Variants in TM9SF3 observed in about 807,000 individuals in gnomAD.
TM9SF3 encodes transmembrane 9 superfamily member 3.
Under a neutral mutation model 78.6 loss-of-function variants are expected in TM9SF3, and 14 were observed. The ratio of observed to expected loss-of-function variants is 0.18; its 90% CI spans 0.12 to 0.28. The LOEUF is 0.28. TM9SF3 is among the 10% of genes least tolerant of loss of function. The pLI is 1.00. For missense variants in TM9SF3, 496 were observed against 721.9 expected (o/e 0.69, Z 3.59); for synonymous variants, 231 against 241.7 (o/e 0.96, Z 0.41).
At chr10:96,569,013 C>A (rs1848409798) in intron 2 of TM9SF3, among the ~76,000 whole-genome samples, 1 of 152,032 alleles carries the variant, frequency 6.6e-6, no homozygotes, top group Non-Finnish European at 1.5e-5. Context: ...CATGTCAAAA[C>A]CTCATCTTTA....
chr10:96,547,806 T>C, intron 8 of TM9SF3, 89 bp downstream of exon 8: 1 of 1,090,466 alleles, frequency 9.2e-7, no homozygotes, highest in East Asian at 2.4e-5. Flanking sequence ...GGTGATGGAG[T>C]GAGACTCTCT....
At chr10:96,565,461 G>T in intron 2 of TM9SF3, 35 bp from the exon 3 acceptor site, 2 of 1,502,392 alleles carry the variant, frequency 1.3e-6, no homozygotes, top group Non-Finnish European at 8.8e-7. Flanking sequence ...TAGCCCACTA[G>T]TTTGCAAAAT....
chr10:96,563,895 TC>T (rs1848339781), intron 3 of TM9SF3, among the ~76,000 whole-genome samples: 1 of 151,662 alleles, frequency 6.6e-6, no homozygotes, highest in Non-Finnish European at 1.5e-5. Context: ...CAAAAGTATT[TC>T]CCCAAACAGG....
chr10:96,582,223 T>A (rs1848578120), intron 1 of TM9SF3, among the ~76,000 whole-genome samples: 1 of 152,128 alleles, frequency 6.6e-6, no homozygotes, highest in Non-Finnish European at 1.5e-5. Flanking sequence ...AAGTACTGGG[T>A]TTTTGCTGCT....
chr10:96,586,700 G>A (rs1564943964), intron 1 of TM9SF3, 34 bp downstream of exon 1: 2 of 1,219,596 alleles, frequency 1.6e-6, no homozygotes, highest in East Asian at 3.3e-5. Flanking sequence ...TGGGGAGCTA[G>A]CCCGGGGCGG....
intron 5 of TM9SF3, among the ~76,000 whole-genome samples, chr10:96,556,525 AG>A (rs1180194933): frequency 6.6e-6 from 1 of 152,216 alleles, no homozygotes; most frequent in African/African-American, 2.4e-5. Context: ...ATACTTGTAC[AG>A]TACATCATAT....
chr10:96,547,238 CTT>C (rs571285020), intron 8 of TM9SF3, among the ~76,000 whole-genome samples: 3 of 152,186 alleles, frequency 2.0e-5, no homozygotes, highest in Non-Finnish European at 4.4e-5. Context: ...TGTCCAGAAA[CTT>C]TACCCACAGA....
intron 2 of TM9SF3, among the ~76,000 whole-genome samples, chr10:96,571,446 A>G (rs1848435584): frequency 6.6e-6 from 1 of 152,176 alleles, no homozygotes; most frequent in Non-Finnish European, 1.5e-5. Context: ...GACTGAAAAC[A>G]GCATGGGGGA....
chr10:96,523,029 C>G (rs1847797359), intron 14 of TM9SF3, among the ~76,000 whole-genome samples: 1 of 151,794 alleles, frequency 6.6e-6, no homozygotes, highest in African/African-American at 2.4e-5. Flanking sequence ...TCTCCTGTGT[C>G]TAAAAGAGTG....
chr10:96,528,800 C>A (rs894734676), intron 11 of TM9SF3, among the ~76,000 whole-genome samples: 2 of 151,974 alleles, frequency 1.3e-5, no homozygotes, highest in Non-Finnish European at 2.9e-5. Flanking sequence ...GGGGAAAGAA[C>A]TAAGAAATGA....
chr10:96,528,772 G>C (rs1283582671), intron 11 of TM9SF3, among the ~76,000 whole-genome samples: 1 of 151,978 alleles, frequency 6.6e-6, no homozygotes, highest in Non-Finnish European at 1.5e-5. Context: ...AGTCACTATG[G>C]CTAATACTTT....
rs143523246 is a variant in TM9SF3 at position 96,575,682 on chromosome 10, T to C, written c.298+952A>G. 3.4e-4 allele frequency among the ~76,000 whole-genome samples: 51 copies of C among 148,414 alleles called. No homozygotes were observed. In the East Asian group the frequency reaches 6.1e-3, roughly 18 times the overall value. ...CTATTCATCTTACACATGGAGACAATGAAGTCAAAACTGCAGTAAACAATT... is the reference window on the plus strand; with the variant it reads ...CTATTCATCTTACACATGGAGACAACGAAGTCAAAACTGCAGTAAACAATT... On this transcript the variant is annotated intron_variant, in intron 2 of 14. Transcript: ENST00000371142.
intron 12 of TM9SF3, 126 bp from the exon 13 acceptor site, chr10:96,527,622 T>C (rs540180559): frequency 1.5e-6 from 1 of 669,708 alleles, no homozygotes; most frequent in African/African-American, 1.8e-5. Context: ...AAAAAACAAA[T>C]GCATAGACAT....
intron 1 of TM9SF3, among the ~76,000 whole-genome samples, chr10:96,582,065 G>C (rs1347757948): frequency 1.3e-5 from 2 of 151,756 alleles, no homozygotes; most frequent in Non-Finnish European, 2.9e-5. Context: ...CACTCATCAA[G>C]TACTATTTGT....
At chr10:96,548,831 A>C (rs1848132323) in intron 7 of TM9SF3, among the ~76,000 whole-genome samples, 1 of 152,008 alleles carries the variant, frequency 6.6e-6, no homozygotes, top group South Asian at 2.1e-4. Flanking sequence ...TAAAAATGTA[A>C]AAATTAAAAT....
chr10:96,553,334 T>A (rs1336752638), intron 5 of TM9SF3, among the ~76,000 whole-genome samples: 2 of 152,186 alleles, frequency 1.3e-5, no homozygotes, highest in Non-Finnish European at 2.9e-5. Context: ...AAAAGTACAA[T>A]TTGGCCATAT....
intron 11 of TM9SF3, among the ~76,000 whole-genome samples, chr10:96,529,961 G>A (rs1013258562): frequency 6.6e-6 from 1 of 152,174 alleles, no homozygotes; most frequent in African/African-American, 2.4e-5. Context: ...TCCCATCAGG[G>A]GGCACGGGGA....
At chr10:96,536,714 A>G (rs1847964798) in intron 9 of TM9SF3, among the ~76,000 whole-genome samples, 1 of 152,158 alleles carries the variant, frequency 6.6e-6, no homozygotes, top group Non-Finnish European at 1.5e-5. Context: ...ACTCGATGTG[A>G]TGATGAAAAT....
chr10:96,538,817 A>G (rs1458599670), intron 9 of TM9SF3, among the ~76,000 whole-genome samples: 1 of 152,200 alleles, frequency 6.6e-6, no homozygotes, highest in Non-Finnish European at 1.5e-5. Context: ...ACCGAAAGAC[A>G]GCACTATATA....
Sources: allele counts gnomAD v4.1 joint callset (sites outside exome capture counted in the v4.1 genomes callset), GRCh38; gene constraint gnomAD v4.1.1; transcripts MANE v1.5; gene names NCBI Gene and HGNC (gene_info 2026-07-23, HGNC 2026-07-21).